The following PTPRT variants were observed in gnomAD, a reference collection of about 807,000 sequenced individuals.
PTPRT encodes protein tyrosine phosphatase receptor type T.
In PTPRT, 56 loss-of-function variants were observed where a neutral mutation model predicts 176.8. That is an observed-to-expected ratio of 0.32 (90% CI 0.26 to 0.40). The LOEUF (loss-of-function observed/expected upper bound fraction) is 0.40, where lower values mean the gene tolerates loss of function less well. Ranked by LOEUF, PTPRT falls within the 10% of genes least tolerant of loss-of-function variation. The probability of loss-of-function intolerance (pLI) is 1.00; values close to 1 mark genes in which losing one functional copy is unlikely to be tolerated. For synonymous variants in PTPRT, 783 were observed against 739.0 expected (o/e 1.06, Z -0.96); for missense variants, 1,540 against 1,908.2 (o/e 0.81, Z 3.60).
chr20:42,381,780 T>C (rs1329326381), intron 9 of PTPRT, among the ~76,000 whole-genome samples: 1 of 152,192 alleles, frequency 6.6e-6, no homozygotes, highest in Non-Finnish European at 1.5e-5. Flanking sequence ...GTTTCCAACT[T>C]AGACATCTGG....
intron 16 of PTPRT, among the ~76,000 whole-genome samples, chr20:42,168,081 G>C (rs577338396): frequency 6.6e-6 from 1 of 152,268 alleles, no homozygotes; most frequent in African/African-American, 2.4e-5. Flanking sequence ...ATAAGGAAGA[G>C]AAAATATATT....
intron 9 of PTPRT, among the ~76,000 whole-genome samples, chr20:42,406,065 C>T (rs1456992773): frequency 6.6e-6 from 1 of 151,948 alleles, no homozygotes; most frequent in Non-Finnish European, 1.5e-5. Context: ...CATGCCAAAA[C>T]ACGTGGAGGC....
intron 1 of PTPRT, among the ~76,000 whole-genome samples, chr20:43,062,248 A>G (rs568451158): frequency 8.9e-4 from 136 of 152,342 alleles, no homozygotes; most frequent in African/African-American, 3.2e-3. Flanking sequence ...ACTAAAGCTG[A>G]TATGTTTATG....
At chr20:42,689,352 C>A (rs114855556) in intron 6 of PTPRT, among the ~76,000 whole-genome samples, 2 of 152,116 alleles carry the variant, frequency 1.3e-5, no homozygotes, top group African/African-American at 2.4e-5. Context: ...TGCCACTGGG[C>A]GGCCCAACTC....
chr20:42,261,578 A>G (rs2056750151), intron 13 of PTPRT, among the ~76,000 whole-genome samples: 1 of 152,022 alleles, frequency 6.6e-6, no homozygotes, highest in Non-Finnish European at 1.5e-5. Flanking sequence ...TGCAAACTCT[A>G]AAAGGGTTCA....
chr20:43,067,173 G>T (rs1391037777), intron 1 of PTPRT, among the ~76,000 whole-genome samples: 1 of 152,202 alleles, frequency 6.6e-6, no homozygotes, highest in African/African-American at 2.4e-5. Flanking sequence ...ACATGCTACA[G>T]TATGGATGAG....
intron 9 of PTPRT, among the ~76,000 whole-genome samples, chr20:42,410,627 T>C (rs923242621): frequency 9.2e-5 from 14 of 152,138 alleles, no homozygotes; most frequent in African/African-American, 2.7e-4. Flanking sequence ...TATACATTCT[T>C]TTCATGTGCC....
At chr20:42,244,583 T>C (rs2056415974) in intron 14 of PTPRT, among the ~76,000 whole-genome samples, 1 of 152,186 alleles carries the variant, frequency 6.6e-6, no homozygotes, top group Admixed American at 6.5e-5. Flanking sequence ...GGTGCGGATC[T>C]TGTGAAAAGT....
At chr20:42,873,708 G>A (rs1237769489) in intron 2 of PTPRT, among the ~76,000 whole-genome samples, 2 of 152,146 alleles carry the variant, frequency 1.3e-5, no homozygotes, top group Non-Finnish European at 2.9e-5. Context: ...GAAATCTGGT[G>A]TGTAGTTTAC....
chr20:42,845,825 G>C (rs2078360794), intron 2 of PTPRT, among the ~76,000 whole-genome samples: 1 of 152,210 alleles, frequency 6.6e-6, no homozygotes, highest in African/African-American at 2.4e-5. Flanking sequence ...AATGATGGCA[G>C]AGAAGAACTG....
At chr20:42,961,413 C>T (rs542191504) in intron 1 of PTPRT, among the ~76,000 whole-genome samples, 53 of 152,270 alleles carry the variant, frequency 3.5e-4, no homozygotes, top group African/African-American at 1.3e-3. Flanking sequence ...TGCACAATTG[C>T]GTGCTGGTTC....
the PTPRT span, among the ~76,000 whole-genome samples, chr20:42,058,906 C>T: frequency 1.3e-5 from 2 of 152,158 alleles, no homozygotes; most frequent in Non-Finnish European, 1.5e-5. Flanking sequence ...CTCTTCAGTA[C>T]ATTTTAGAAT....
chr20:42,797,838 G>A (rs894944681), intron 2 of PTPRT, among the ~76,000 whole-genome samples: 4 of 152,050 alleles, frequency 2.6e-5, no homozygotes, highest in Admixed American at 2.0e-4. Context: ...ACTTTGAGAT[G>A]AAAGAAGGAG....
chr20:42,633,601 T>C (rs1028640306), intron 7 of PTPRT, among the ~76,000 whole-genome samples: 15 of 150,182 alleles, frequency 1.0e-4, no homozygotes, highest in Admixed American at 6.7e-4. Context: ...TTCGAGACAG[T>C]GCAAAACCTC....
chr20:42,513,964 T>G lies in PTPRT; in HGVS notation c.1154-41402A>C, dbSNP rs536320261. Among the ~76,000 whole-genome samples the G allele has an allele frequency of 2.6e-5, 4 of 152,302 alleles. No homozygotes were observed. The East Asian group carries it at 7.7e-4, about 29-fold the overall frequency. ...TCCATTTTGATACTGGTGGCTATAG[T>G]TTGCTCACTTTCACTGCTGTGTAGT... is the stretch of plus-strand genomic sequence containing the variant. On this transcript the variant is annotated intron_variant, in intron 7 of 30. Transcript: ENST00000373187.
chr20:42,776,453 A>T (rs564836946), intron 4 of PTPRT, among the ~76,000 whole-genome samples: 3 of 152,298 alleles, frequency 2.0e-5, no homozygotes, highest in African/African-American at 7.2e-5. Context: ...ACCGGGAGAC[A>T]CCAAAGGATT....
chr20:43,179,134 C>G (rs536451338), intron 1 of PTPRT, among the ~76,000 whole-genome samples: 6 of 152,288 alleles, frequency 3.9e-5, no homozygotes, highest in African/African-American at 1.2e-4. Context: ...GACAAAACAT[C>G]CTTCCTTCAC....
intron 9 of PTPRT, among the ~76,000 whole-genome samples, chr20:42,411,928 C>T (rs903370205): frequency 6.6e-6 from 1 of 152,104 alleles, no homozygotes; most frequent in Non-Finnish European, 1.5e-5. Context: ...AAGAAATCAA[C>T]CTAGACCCAT....
At chr20:42,200,526 T>C (rs1403194768) in intron 15 of PTPRT, among the ~76,000 whole-genome samples, 1 of 152,180 alleles carries the variant, frequency 6.6e-6, no homozygotes, top group Non-Finnish European at 1.5e-5. Context: ...TCAAATGATG[T>C]GGACTTTGAC....
Sources: gnomAD v4.1 joint callset for allele counts (sites outside exome capture counted in the v4.1 genomes callset) on GRCh38, gnomAD v4.1.1 for gene constraint, MANE v1.5 for transcripts, NCBI Gene and HGNC (gene_info 2026-07-23, HGNC 2026-07-21) for gene names.